The following APOOL variants were observed in gnomAD, a reference collection of about 807,000 sequenced individuals.
APOOL encodes the protein apolipoprotein O like.
In APOOL, 12 loss-of-function variants were observed where a neutral mutation model predicts 23.1. The observed-to-expected ratio is 0.52, with a 90% CI of 0.33 to 0.84. APOOL has a LOEUF of 0.84. Among genes scored for constraint, APOOL ranks in the 40% least tolerant of loss-of-function variants. The pLI is 0.02. For missense variants in APOOL, 212 were observed against 199.6 expected (o/e 1.06, Z -0.37); for synonymous variants, 77 against 69.9 (o/e 1.10, Z -0.51).
At chrX:85,037,720 A>G (rs1249371925) in intron 1 of APOOL, among the ~76,000 whole-genome samples, 2 of 111,645 alleles carry the variant, frequency 1.8e-5, no homozygotes, top group African/African-American at 6.5e-5. Context: ...AAAAACATAA[A>G]GTAGGGAAAG....
intron 5 of APOOL, among the ~76,000 whole-genome samples, chrX:85,064,002 T>G (rs760747445): frequency 9.0e-6 from 1 of 110,927 alleles, no homozygotes; most frequent in East Asian, 2.8e-4. Context: ...ATGCATCTGG[T>G]CCTGAGCTTT....
intron 5 of APOOL, among the ~76,000 whole-genome samples, chrX:85,058,444 T>C (rs1450330945): frequency 8.9e-6 from 1 of 111,910 alleles, no homozygotes; most frequent in Non-Finnish European, 1.9e-5. Flanking sequence ...ATGGTGTATA[T>C]GTACCACATT....
intron 5 of APOOL, among the ~76,000 whole-genome samples, chrX:85,056,143 G>A (rs985301610): frequency 1.8e-5 from 2 of 111,047 alleles, no homozygotes; most frequent in Admixed American, 9.7e-5. Context: ...TAGTCATTAG[G>A]GAAATGCAGA....
intron 5 of APOOL, among the ~76,000 whole-genome samples, chrX:85,059,682 A>T (rs1923118178): frequency 1.8e-5 from 2 of 110,120 alleles, no homozygotes; most frequent in South Asian, 7.7e-4. Context: ...TCTTCTTTTG[A>T]GAAGTGTCTG....
intron 1 of APOOL, among the ~76,000 whole-genome samples, chrX:85,045,605 G>A (rs1922549480): frequency 9.0e-6 from 1 of 111,716 alleles, no homozygotes; most frequent in African/African-American, 3.2e-5. Context: ...TAAAATATTT[G>A]TACCTTGGAA....
At chrX:85,070,475 A>G (rs905892834) in intron 6 of APOOL, among the ~76,000 whole-genome samples, 3 of 111,739 alleles carry the variant, frequency 2.7e-5, no homozygotes, top group Non-Finnish European at 3.8e-5. Flanking sequence ...TGAAATATCT[A>G]GGAATAGACT....
chrX:85,036,350 G>A (rs749436333), intron 1 of APOOL, among the ~76,000 whole-genome samples: 101 of 112,243 alleles, frequency 9.0e-4, no homozygotes, highest in African/African-American at 3.2e-3. Context: ...CTTCGCTGGA[G>A]TTGTTTATTA....
intron 5 of APOOL, among the ~76,000 whole-genome samples, chrX:85,059,468 C>G (rs184950626): frequency 0.039 from 4,229 of 109,760 alleles, 237 homozygotes; most frequent in African/African-American, 0.13. Flanking sequence ...CTTCCACAAT[C>G]GTTGAACTAG....
rs576765273 is a variant in APOOL at position 85,093,201 on chromosome X, A to C, written c.*5523A>C. On this transcript the variant is annotated 3_prime_UTR_variant, in exon 9 of 9. Transcript: ENST00000373173. ...AATACATACCTGACTTAGCCTCTTC[A>C]GCATTTCAGCTCCAATACCTAGGCC... The C allele has an allele frequency of 1.6e-5, 19 of 1,163,571 alleles. No individual in the cohort carries two copies. The African/African-American group carries it at 3.0e-4, about 19-fold the overall frequency.
intron 1 of APOOL, among the ~76,000 whole-genome samples, chrX:85,009,959 T>A (rs751078911): frequency 1.2e-4 from 14 of 112,306 alleles, no homozygotes; most frequent in Non-Finnish European, 2.3e-4. Context: ...TCCATCCATG[T>A]TCATGCAAAA....
rs1924557714 is a variant in APOOL, at chrX:85,092,593, T to C, written c.*4915T>C. ...AAAAACAAACAAGCAAATATTACTT[T>C]CATTTGAAAGTATAATCTTCGTTAA... On this transcript the variant is annotated 3_prime_UTR_variant, in exon 9 of 9. Transcript: ENST00000373173. The C allele has an allele frequency of 2.6e-6, 3 of 1,163,907 alleles. No individual in the cohort carries two copies. The highest frequency in any genetic ancestry group is 2.3e-6 in the Non-Finnish European group (2 of 858,214).
At position 85,092,692 on chromosome X, in the gene APOOL, C is replaced by T. The variant is rs2147676741; in HGVS notation, c.*5014C>T. 1 of 615,912 alleles carries T rather than the reference C, an allele frequency of 1.6e-6. No homozygotes were observed. The highest frequency in any genetic ancestry group is 3.6e-5 in the East Asian group (1 of 27,574). The allele number at this position is 615,912 out of a possible 1,213,427, so 50.8% of individuals were successfully genotyped here. A position where few individuals can be genotyped will look rare whatever the true frequency, so the allele number is the denominator to read the frequency against. ...ATAATACTTCCAAATATAGTAGTTA[C>T]CTTTTGAACTTTTCTATAGCTGTAA... On this transcript the variant is annotated 3_prime_UTR_variant, in exon 9 of 9. Transcript: ENST00000373173.
At chrX:85,037,073 A>C (rs1055295586) in intron 1 of APOOL, among the ~76,000 whole-genome samples, 1 of 111,929 alleles carries the variant, frequency 8.9e-6, no homozygotes, top group Non-Finnish European at 1.9e-5. Context: ...GTAGTATTCT[A>C]TGGTGTATAT....
Position 85,011,109 on chromosome X carries a change from T to G in APOOL, c.15+7182T>G, listed in dbSNP as rs187303997. 2.7e-5 allele frequency among the ~76,000 whole-genome samples: 3 copies of G among 112,112 alleles called. No homozygotes were observed. The East Asian group carries it at 8.4e-4, about 31-fold the overall frequency. Reference sequence around the variant, plus strand: ...CCCAGATAATTAGTGATGTTAAGCATTTTTTCATATGTTTGTTGGACATTT... The same window carrying G: ...CCCAGATAATTAGTGATGTTAAGCAGTTTTTCATATGTTTGTTGGACATTT... On this transcript the variant is annotated intron_variant, in intron 1 of 8. Transcript: ENST00000373173.
chrX:85,076,218 T>G (rs181648332), intron 8 of APOOL, among the ~76,000 whole-genome samples: 80 of 111,518 alleles, frequency 7.2e-4, no homozygotes, highest in Admixed American at 3.9e-4. Context: ...CATGTGAATT[T>G]TGGGGGGACA....
At chrX:85,032,895 C>A (rs1297762827) in intron 1 of APOOL, among the ~76,000 whole-genome samples, 2 of 111,788 alleles carry the variant, frequency 1.8e-5, no homozygotes, top group Non-Finnish European at 3.8e-5. Flanking sequence ...TAACTCCCAC[C>A]TATGTTAAAC....
chrX:85,074,215 T>G (rs781407297), intron 7 of APOOL, 59 bp from the exon 8 acceptor site: 1 of 1,186,825 alleles, frequency 8.4e-7, no homozygotes, highest in South Asian at 1.8e-5. Flanking sequence ...AATGAGAAAG[T>G]AGATGAAGGA....
At chrX:85,014,880 G>C (rs1921414726) in intron 1 of APOOL, among the ~76,000 whole-genome samples, 1 of 109,210 alleles carries the variant, frequency 9.2e-6, no homozygotes, top group Non-Finnish European at 1.9e-5. Flanking sequence ...AGCAAGACCA[G>C]GGAATTTTTT....
At chrX:85,058,267 C>A (rs1319778532) in intron 5 of APOOL, among the ~76,000 whole-genome samples, 1 of 109,878 alleles carries the variant, frequency 9.1e-6, no homozygotes, top group African/African-American at 3.3e-5. Flanking sequence ...TGTTCCCCTC[C>A]CTGTGTCCAT....
Sources: allele counts gnomAD v4.1 joint callset (sites outside exome capture counted in the v4.1 genomes callset), GRCh38; gene constraint gnomAD v4.1.1; transcripts MANE v1.5; gene names NCBI Gene and HGNC (gene_info 2026-07-23, HGNC 2026-07-21).